Variants in MGAM observed in about 807,000 individuals in gnomAD.
MGAM encodes alpha-1,4-glucosidase.
MGAM carries 253 observed loss-of-function variants against 358.8 expected under a neutral mutation model. That is an observed-to-expected ratio of 0.71 (90% CI 0.64 to 0.78). MGAM has a LOEUF of 0.78. Ranked by LOEUF, MGAM falls within the 30% of genes least tolerant of loss-of-function variation. The probability of loss-of-function intolerance (pLI) is 0.00; values close to 1 mark genes in which losing one functional copy is unlikely to be tolerated. For missense variants in MGAM, 3,080 were observed against 3,432.6 expected (o/e 0.90, Z 2.57); for synonymous variants, 1,105 against 1,227.1 (o/e 0.90, Z 2.08).
intron 7 of MGAM, among the ~76,000 whole-genome samples, chr7:142,024,392 C>T (rs897084761): frequency 7.0e-5 from 10 of 142,802 alleles, no homozygotes; most frequent in African/African-American, 2.1e-4. Flanking sequence ...CCAGTCTGGG[C>T]GACAGAGTGA....
Position 142,058,242 on chromosome 7 carries a change from G to C in MGAM, c.3733G>C (p.Gly1245Arg), listed in dbSNP as rs765574900. 1.2e-6 allele frequency: 2 copies of C among 1,613,796 alleles called. No individual in the cohort carries two copies. The highest frequency in any genetic ancestry group is 2.2e-5 in the South Asian group (2 of 91,058). The stretch of plus-strand genomic sequence containing the variant: ...TGTGATGGTACCTTACTGGTCTTTG[G>C]GGTTCCAGCTGTGTCGCTATGGCTA... ...RPVMVPYWSL[G>R]FQLCRYGYQN... The change falls in exon 31 of 71, where the codon GGG becomes CGG. Residue 1245 changes from glycine to arginine, a missense_variant. By Grantham distance (125) the Gly-to-Arg change is moderately radical (BLOSUM62 -2). Coordinates refer to ENST00000475668, the MANE Select transcript of MGAM (RefSeq NM_001365693.1).
chr7:142,099,570 C>T (rs771119061), intron 66 of MGAM, 43 bp from the exon 67 acceptor site: 12 of 1,613,264 alleles, frequency 7.4e-6, no homozygotes, highest in East Asian at 2.2e-5. Flanking sequence ...CAGGGAGGGG[C>T]CTGTCCTCTC....
intron 22 of MGAM, among the ~76,000 whole-genome samples, chr7:142,048,115 TTTTATTTATTTATTTATTTATTTATTTA>T (rs58194410): frequency 7.2e-4 from 74 of 102,526 alleles, no homozygotes; most frequent in African/African-American, 1.8e-3. Context: ...ATAATAGGCT[TTTTATTTATTTATTTATTTATTTATTTA>T]TTTATTTATT....
Position 142,102,615 on chromosome 7 carries a change from G to GT in MGAM, c.7964-9dup, listed in dbSNP as rs753215262. On this transcript the variant is annotated splice_polypyrimidine_tract_variant and intron_variant, in intron 68 of 70. Coordinates refer to ENST00000475668, the MANE Select transcript of MGAM (RefSeq NM_001365693.1). ...CACAGGTCCAGGCCATGTTTATCTT[G>GT]TTTTTTGTTTGCAGATACCTATGGG... The GT allele has an allele frequency of 2.7e-5, 44 of 1,612,086 alleles. No individual in the cohort carries two copies. Among genetic ancestry groups the GT allele is most frequent in the Non-Finnish European group, 3.5e-5 (41 of 1,178,832 alleles).
In MGAM at chr7:142,059,531, C is replaced by T; in HGVS notation, c.3879C>T (p.Pro1293=). 1 of 1,613,088 alleles carries T rather than the reference C, an allele frequency of 6.2e-7. No homozygotes were observed. The highest frequency in any genetic ancestry group is 8.5e-7 in the Non-Finnish European group (1 of 1,179,182). Residue 1293 remains proline, a synonymous_variant, in exon 32 of 71, where the codon CCC becomes CCT. Transcript: ENST00000475668. ...MERQLDFTLS[P]KFAGFPALIN... is the part of the protein sequence containing the mutation. ...GGCAGCTGGACTTCACCCTCAGCCCCAAGTTTGCTGGGTTTCCAGCTCTGA... is the reference window on the plus strand; with the variant it reads ...GGCAGCTGGACTTCACCCTCAGCCCTAAGTTTGCTGGGTTTCCAGCTCTGA...
At chr7:142,029,198 A>G (rs1358139582) in intron 10 of MGAM, among the ~76,000 whole-genome samples, 1 of 152,012 alleles carries the variant, frequency 6.6e-6, no homozygotes, top group Non-Finnish European at 1.5e-5. Context: ...AAAATACAAC[A>G]ACAACAAAAA....
intron 34 of MGAM, among the ~76,000 whole-genome samples, chr7:142,062,328 C>T (rs979027183): frequency 3.9e-5 from 6 of 152,156 alleles, no homozygotes; most frequent in African/African-American, 1.2e-4. Context: ...TCATCATCCA[C>T]GTGTATAGGA....
chr7:142,099,653 C>T lies in MGAM; in HGVS notation c.7790C>T (p.Pro2597Leu), dbSNP rs1816274458. Residue 2597 changes from proline (P) to leucine (L), a missense_variant, in exon 67 of 71, where the codon CCA becomes CTA. Pro to Leu is a moderately conservative substitution (Grantham distance 98). This residue lies in a region of MGAM where 932 missense variants were observed against 1,198.2 expected (regional missense o/e 0.78). Coordinates refer to ENST00000475668, the MANE Select transcript of MGAM (RefSeq NM_001365693.1). ...GCAAGAGGAGAGTGGAAGACCTTGC[C>T]AGCCCCTCTTGACCACATTAATCTT... is the stretch of plus-strand genomic sequence containing the variant. ...INARGEWKTL[P>L]APLDHINLHV... 6.2e-7 allele frequency: 1 copy of T among 1,613,852 alleles called. No homozygotes were observed. The highest frequency in any genetic ancestry group is 8.5e-7 in the Non-Finnish European group (1 of 1,179,866).
At chr7:142,041,898 A>ATAT (rs1554468737) in intron 21 of MGAM, among the ~76,000 whole-genome samples, 1 of 42,592 alleles carries the variant, frequency 2.3e-5, no homozygotes, top group African/African-American at 1.6e-4. Flanking sequence ...AATATATAAT[A>ATAT]TATATATTAT....
At chr7:142,099,235 G>A (rs1425655887) in intron 66 of MGAM, among the ~76,000 whole-genome samples, 1 of 152,144 alleles carries the variant, frequency 6.6e-6, no homozygotes, top group Non-Finnish European at 1.5e-5. Flanking sequence ...TAGCCCCATC[G>A]CCAGAGAATT....
chr7:142,026,551 GA>G (rs1806988110), intron 8 of MGAM, among the ~76,000 whole-genome samples: 1 of 152,180 alleles, frequency 6.6e-6, no homozygotes, highest in Non-Finnish European at 1.5e-5. Flanking sequence ...AATGGGGAAA[GA>G]CACTTAGGAG....
At chr7:142,101,723 T>G (rs1261283155) in intron 68 of MGAM, among the ~76,000 whole-genome samples, 1 of 151,486 alleles carries the variant, frequency 6.6e-6, no homozygotes, top group East Asian at 1.9e-4. Flanking sequence ...CTGACCAACA[T>G]GCAGAAACCC....
chr7:142,008,292 G>A (rs1805323060), intron 2 of MGAM, among the ~76,000 whole-genome samples: 1 of 152,134 alleles, frequency 6.6e-6, no homozygotes. Flanking sequence ...TGTAGGGGAG[G>A]GAGTTGGGAG....
chr7:142,057,718 C>T (rs1430964738), intron 30 of MGAM, among the ~76,000 whole-genome samples: 1 of 152,036 alleles, frequency 6.6e-6, no homozygotes, highest in African/African-American at 2.4e-5. Context: ...CACTTACATA[C>T]TACCAAGTGC....
At chr7:141,989,876 C>A (rs190652661) in intron 2 of MGAM, among the ~76,000 whole-genome samples, 2 of 152,034 alleles carry the variant, frequency 1.3e-5, no homozygotes, top group African/African-American at 4.8e-5. Context: ...CCTAATCCAC[C>A]CATAGTTAAT....
chr7:142,043,661 A>G (rs1271180699), intron 21 of MGAM, among the ~76,000 whole-genome samples: 1 of 123,408 alleles, frequency 8.1e-6, no homozygotes, highest in Non-Finnish European at 1.5e-5. Context: ...TATATAATAC[A>G]TATATTATAT....
Position 142,095,698 on chromosome 7 carries a change from G to A in MGAM, c.7592G>A (p.Arg2531Gln), listed in dbSNP as rs779185299. Residue 2531 changes from arginine (R) to glutamine (Q), a missense_variant, in exon 64 of 71, where the codon CGG becomes CAG. This residue lies in a region of MGAM where 932 missense variants were observed against 1,198.2 expected (regional missense o/e 0.78). Coordinates refer to ENST00000475668, the MANE Select transcript of MGAM (RefSeq NM_001365693.1). ...CACACGGAGGGCGTCACTGTTGTGC[G>A]GCCTCTGCTCCATGAGTGAGTGTCC... ...KAHTEGVTVVRPLLHEFVSDQ... is the reference protein window; with the variant it reads ...KAHTEGVTVVQPLLHEFVSDQ... 1.3e-5 allele frequency: 21 copies of A among 1,613,928 alleles called. No individual in the cohort carries two copies. The highest frequency in any genetic ancestry group is 3.3e-5 in the South Asian group (3 of 91,068).
intron 6 of MGAM, 39 bp downstream of exon 6, chr7:142,021,776 G>A (rs10271524): frequency 6.7e-5 from 107 of 1,606,520 alleles, no homozygotes; most frequent in Non-Finnish European, 8.5e-5. Flanking sequence ...AGAGTAGGAA[G>A]GTTACAGGGA....
intron 30 of MGAM, among the ~76,000 whole-genome samples, chr7:142,057,500 TGTG>T (rs1563175983): frequency 1.7e-5 from 2 of 114,846 alleles, no homozygotes; most frequent in Non-Finnish European, 3.4e-5. Flanking sequence ...TGATAGTGGT[TGTG>T]GTGATAGTGG....
Sources: gnomAD v4.1 joint callset for allele counts (sites outside exome capture counted in the v4.1 genomes callset) on GRCh38, gnomAD v4.1.1 for gene constraint, gnomAD v4.1.1 regional missense constraint, MANE v1.5 for transcripts, NCBI Gene and HGNC (gene_info 2026-07-23, HGNC 2026-07-21) for gene names.